Variants in FAM135B observed in about 807,000 individuals in gnomAD.
The protein encoded by FAM135B is family with sequence similarity 135 member B.
FAM135B carries 43 observed loss-of-function variants against 127.7 expected under a neutral mutation model. That is an observed-to-expected ratio of 0.34 (90% CI 0.26 to 0.43). The LOEUF (loss-of-function observed/expected upper bound fraction) is 0.43. Ranked by LOEUF, FAM135B falls within the 20% of genes least tolerant of loss-of-function variation. The pLI is 1.00. For synonymous variants in FAM135B, 670 were observed against 665.1 expected (o/e 1.01, Z -0.11); for missense variants, 1,558 against 1,725.6 (o/e 0.90, Z 1.72).
rs1387645281 is a variant in FAM135B at position 138,241,160 on chromosome 8, G to C, written c.669+1782C>G. 6.6e-6 allele frequency among the ~76,000 whole-genome samples: 1 copy of C among 152,166 alleles called. No homozygotes were observed. Among genetic ancestry groups the C allele is most frequent in the East Asian group, 1.9e-4 (1 of 5,186 alleles). On this transcript the variant is annotated intron_variant, in intron 7 of 19. Coordinates refer to ENST00000395297, the MANE Select transcript of FAM135B (RefSeq NM_015912.4). The surrounding 1 kb of genome is among the most constrained non-coding windows in gnomAD (Gnocchi z 4.8). ...CACGGGGAGCTTTGCCTCAGTGATG[G>C]TCCTGTAGCAAAGGACCCACAGCAG...
In FAM135B at chr8:138,373,493, A is replaced by C. The variant is rs537519113; in HGVS notation, c.-19-5491T>G. Reference sequence around the variant, plus strand: ...CTGTGATAATTGCGTTAACTGCACAAATTGTAGAGCATATGTGTTTGAACA... The same window carrying C: ...CTGTGATAATTGCGTTAACTGCACACATTGTAGAGCATATGTGTTTGAACA... On this transcript the variant is annotated intron_variant, in intron 1 of 19. Transcript: ENST00000395297. Among the ~76,000 whole-genome samples, 46 of 151,320 alleles carry C rather than the reference A, an allele frequency of 3.0e-4. No individual in the cohort carries two copies. In the South Asian group the frequency reaches 9.7e-3, roughly 32 times the overall value.
intron 1 of FAM135B, among the ~76,000 whole-genome samples, chr8:138,409,581 A>G (rs527515742): frequency 1.3e-5 from 2 of 152,250 alleles, no homozygotes; most frequent in East Asian, 1.9e-4. Flanking sequence ...GAAGGACAAT[A>G]AAGTAAAGAG....
chr8:138,462,912 G>A (rs1837207268), intron 1 of FAM135B, among the ~76,000 whole-genome samples: 1 of 152,212 alleles, frequency 6.6e-6, no homozygotes, highest in South Asian at 2.1e-4. Context: ...TGAGTGGTCA[G>A]TATCTATAGC....
intron 1 of FAM135B, among the ~76,000 whole-genome samples, chr8:138,394,157 G>A (rs1260898879): frequency 6.6e-6 from 1 of 152,138 alleles, no homozygotes; most frequent in Non-Finnish European, 1.5e-5. Flanking sequence ...TAATTTCCTA[G>A]GGGACATACC....
rs537535072 is a variant in FAM135B at position 138,157,198 on chromosome 8, C to T, written c.1259-3982G>A. On this transcript the variant is annotated intron_variant, in intron 12 of 19. Transcript: ENST00000395297. ...CAAACAGAACCAAGGACAAAAACCA[C>T]ATGATTATCTCAATAGATGCAGAAA... Among the ~76,000 whole-genome samples the T allele has an allele frequency of 1.4e-4, 21 of 152,298 alleles. No individual in the cohort carries two copies. The East Asian group carries it at 4.1e-3, about 29-fold the overall frequency.
At chr8:138,271,582 C>A (rs765488341) in intron 3 of FAM135B, among the ~76,000 whole-genome samples, 1 of 152,116 alleles carries the variant, frequency 6.6e-6, no homozygotes, top group Non-Finnish European at 1.5e-5. Context: ...AATGAATATT[C>A]CCATCATTGT....
At chr8:138,399,988 T>C (rs1833065723) in intron 1 of FAM135B, among the ~76,000 whole-genome samples, 1 of 152,192 alleles carries the variant, frequency 6.6e-6, no homozygotes. Flanking sequence ...ATATATATCG[T>C]CATCCTTTGA....
intron 1 of FAM135B, among the ~76,000 whole-genome samples, chr8:138,481,989 G>A (rs1814798338): frequency 6.6e-6 from 1 of 152,224 alleles, no homozygotes; most frequent in African/African-American, 2.4e-5. Context: ...TCTGGAGAAG[G>A]AGGGTGTGGA....
intron 9 of FAM135B, among the ~76,000 whole-genome samples, chr8:138,189,780 C>T (rs960522636): frequency 2.0e-5 from 3 of 152,138 alleles, no homozygotes; most frequent in Non-Finnish European, 4.4e-5. Flanking sequence ...TTCCTGCCCA[C>T]GAAGGGGTTA....
intron 15 of FAM135B, among the ~76,000 whole-genome samples, chr8:138,145,624 C>A (rs1297992104): frequency 3.9e-5 from 6 of 152,302 alleles, no homozygotes; most frequent in African/African-American, 1.4e-4. Context: ...TTGTATAGAG[C>A]AGGTGCCCAA....
intron 3 of FAM135B, among the ~76,000 whole-genome samples, chr8:138,305,117 G>A (rs1826145170): frequency 6.6e-6 from 1 of 152,178 alleles, no homozygotes; most frequent in Non-Finnish European, 1.5e-5. Context: ...TGATTCATTT[G>A]AAGAATAAAT....
At chr8:138,133,132 C>T (rs1016396532) in intron 19 of FAM135B, among the ~76,000 whole-genome samples, 1 of 152,098 alleles carries the variant, frequency 6.6e-6, no homozygotes, top group African/African-American at 2.4e-5. Flanking sequence ...CAGAGAGGAC[C>T]CTCAGAGTTT....
chr8:138,385,430 T>A (rs918089246), intron 1 of FAM135B, among the ~76,000 whole-genome samples: 1 of 152,062 alleles, frequency 6.6e-6, no homozygotes, highest in African/African-American at 2.4e-5. Context: ...TCCATAAATA[T>A]TTGCCGATTG....
At chr8:138,384,862 C>T (rs1212677806) in intron 1 of FAM135B, among the ~76,000 whole-genome samples, 1 of 152,126 alleles carries the variant, frequency 6.6e-6, no homozygotes, top group Admixed American at 6.5e-5. Context: ...TCCCCTCCCT[C>T]CACAATCCCT....
chr8:138,414,929 C>T (rs548435634), intron 1 of FAM135B, among the ~76,000 whole-genome samples: 1 of 152,254 alleles, frequency 6.6e-6, no homozygotes, highest in South Asian at 2.1e-4. Context: ...TCCCTGAGTT[C>T]TCCAAGCACC....
At chr8:138,213,371 C>G (rs568188797) in intron 7 of FAM135B, among the ~76,000 whole-genome samples, 4 of 152,218 alleles carry the variant, frequency 2.6e-5, no homozygotes, top group African/African-American at 9.6e-5. Flanking sequence ...CTATTAATAT[C>G]GTTATAATGC....
Position 138,243,167 on chromosome 8 carries a change from GA to G in FAM135B, c.543-100del. On this transcript the variant is annotated intron_variant, in intron 6 of 19. Coordinates refer to ENST00000395297, the MANE Select transcript of FAM135B (RefSeq NM_015912.4). This position sits in a 1 kb window ranked among gnomAD's most constrained non-coding sequence, Gnocchi z 7.5. The stretch of plus-strand genomic sequence containing the variant: ...AGGAGTGTTCCTGTGAAGCATTTGG[GA>G]TAAGTCATTTAGGAGTAGTTCACCC... 7.1e-7 allele frequency: 1 copy of G among 1,415,242 alleles called. No individual in the cohort carries two copies. The highest frequency in any genetic ancestry group is 1.4e-5 in the African/African-American group (1 of 70,034). 87.7% of individuals were successfully genotyped at this position (1,415,242 alleles called of 1,614,324 possible).
At chr8:138,405,890 T>C (rs1455220376) in intron 1 of FAM135B, among the ~76,000 whole-genome samples, 1 of 152,024 alleles carries the variant, frequency 6.6e-6, no homozygotes, top group Non-Finnish European at 1.5e-5. Flanking sequence ...TTCCTGACTT[T>C]TTAATGTTTG....
chr8:138,275,813 G>A (rs1823780210), intron 3 of FAM135B, among the ~76,000 whole-genome samples: 1 of 152,134 alleles, frequency 6.6e-6, no homozygotes, highest in African/African-American at 2.4e-5. Context: ...GATGAGTGTG[G>A]GAGCTGCAGC....
Sources: allele counts gnomAD v4.1 joint callset (sites outside exome capture counted in the v4.1 genomes callset), GRCh38; gene constraint gnomAD v4.1.1; non-coding constraint Gnocchi (gnomAD v3.1); transcripts MANE v1.5; gene names NCBI Gene and HGNC (gene_info 2026-07-23, HGNC 2026-07-21).